Variants in PAK3 observed in about 807,000 individuals in gnomAD.
PAK3 encodes the protein p21 (RAC1) activated kinase 3.
A neutral mutation model predicts 41.0 loss-of-function variants in PAK3; 4 were observed. The ratio of observed to expected loss-of-function variants is 0.10; its 90% CI spans 0.05 to 0.22. PAK3 has a LOEUF of 0.22. PAK3 is among the 10% of genes least tolerant of loss of function. The pLI is 1.00. For missense variants in PAK3, 205 were observed against 409.9 expected (o/e 0.50, Z 4.32); for synonymous variants, 146 against 139.6 (o/e 1.05, Z -0.32).
intron 1 of PAK3, among the ~76,000 whole-genome samples, chrX:110,971,631 C>T (rs1406486001): frequency 9.0e-6 from 1 of 111,502 alleles, no homozygotes; most frequent in Non-Finnish European, 1.9e-5. Flanking sequence ...GTGGGTTGTC[C>T]TTTCATTTTC....
intron 11 of PAK3, among the ~76,000 whole-genome samples, chrX:111,182,876 C>A (rs752470365): frequency 9.0e-6 from 1 of 111,239 alleles, no homozygotes; most frequent in Non-Finnish European, 1.9e-5. Flanking sequence ...GCAAACAGAA[C>A]AACAACTTGT....
At chrX:111,111,325 G>C (rs184528722) in intron 4 of PAK3, among the ~76,000 whole-genome samples, 1 of 111,684 alleles carries the variant, frequency 9.0e-6, no homozygotes, top group African/African-American at 3.3e-5. Context: ...ACTTTTCAAA[G>C]ACAAGATGCT....
intron 1 of PAK3, among the ~76,000 whole-genome samples, chrX:111,023,061 G>A (rs2148729624): frequency 9.1e-6 from 1 of 110,272 alleles, no homozygotes; most frequent in Non-Finnish European, 1.9e-5. Context: ...TCACTGACAG[G>A]CCCCAGTGTG....
chrX:111,053,108 G>A (rs1035125659), intron 1 of PAK3, among the ~76,000 whole-genome samples: 1 of 111,778 alleles, frequency 8.9e-6, no homozygotes, highest in Non-Finnish European at 1.9e-5. Flanking sequence ...TGAGGTAAAG[G>A]GTTTCTGAAG....
At chrX:111,081,434 G>A (rs2092834278) in intron 1 of PAK3, among the ~76,000 whole-genome samples, 1 of 110,826 alleles carries the variant, frequency 9.0e-6, no homozygotes, top group Admixed American at 9.6e-5. Context: ...GAACACAGGA[G>A]GTTGAGATTT....
rs1053978775 is a variant in PAK3, at chrX:111,222,986, G to C, written c.*2539G>C. 1 of 111,522 alleles carries C rather than the reference G, an allele frequency of 9.0e-6. No individual in the cohort carries two copies. Among genetic ancestry groups the C allele is most frequent in the African/African-American group, 3.3e-5 (1 of 30,689 alleles). 9.2% of individuals were successfully genotyped at this position (111,522 alleles called of 1,213,427 possible). Reference sequence around the variant, plus strand: ...TTTTCAAATGAGAACAGCTTCTAAAGCCCCTTCCCTGTATTGGAGAGTTAT... The same window carrying C: ...TTTTCAAATGAGAACAGCTTCTAAACCCCCTTCCCTGTATTGGAGAGTTAT... On this transcript the variant is annotated 3_prime_UTR_variant, in exon 18 of 18. Transcript: ENST00000372007.
chrX:111,225,629 A>C lies in PAK3; in HGVS notation c.*5182A>C, dbSNP rs1280625451. ...CTAGGAAGAAGGAGCCCCGGAGTCT[A>C]ATATGAGCTTTATTACTAAATTGCT... On this transcript the variant is annotated 3_prime_UTR_variant, in exon 18 of 18. Coordinates refer to ENST00000372007, the MANE Select transcript of PAK3 (RefSeq NM_002578.5). The C allele has an allele frequency of 1.8e-5, 2 of 111,724 alleles. No homozygotes were observed. Among genetic ancestry groups the C allele is most frequent in the Non-Finnish European group, 3.8e-5 (2 of 53,293 alleles). 9.2% of individuals were successfully genotyped at this position (111,724 alleles called of 1,213,427 possible).
rs1171673790 is a variant in PAK3 at position 111,224,526 on chromosome X, A to G, written c.*4079A>G. On this transcript the variant is annotated 3_prime_UTR_variant, in exon 18 of 18. Coordinates refer to ENST00000372007, the MANE Select transcript of PAK3 (RefSeq NM_002578.5). ...GGGCAAGTCCCACTAATTTCAATAG[A>G]AGTTATGACTTGCAATTAAAAGCTG... The G allele has an allele frequency of 7.1e-5, 8 of 112,447 alleles. No homozygotes were observed. In the Admixed American group the frequency reaches 7.5e-4, roughly 11 times the overall value. 9.3% of individuals were successfully genotyped at this position (112,447 alleles called of 1,213,427 possible).
At chrX:111,168,076 A>G (rs182461467) in intron 10 of PAK3, among the ~76,000 whole-genome samples, 70 of 111,290 alleles carry the variant, frequency 6.3e-4, no homozygotes, top group Non-Finnish European at 1.1e-3. Context: ...ATCAATTTAG[A>G]GAATCTTTTT....
rs2094926353 is a variant in PAK3, at chrX:111,221,167, A to G, written c.*720A>G. 1 of 112,033 alleles carries G rather than the reference A, an allele frequency of 8.9e-6. No individual in the cohort carries two copies. Among genetic ancestry groups the G allele is most frequent in the Non-Finnish European group, 1.9e-5 (1 of 53,173 alleles). 9.2% of individuals were successfully genotyped at this position (112,033 alleles called of 1,213,427 possible). A position where few individuals can be genotyped will look rare whatever the true frequency, so the allele number is the denominator to read the frequency against. ...ACATTTTCCAAAAGTGGAGAGGAATATGTGTGTTCAGGAAGGGCTTTCAAA... is the reference window on the plus strand; with the variant it reads ...ACATTTTCCAAAAGTGGAGAGGAATGTGTGTGTTCAGGAAGGGCTTTCAAA... On this transcript the variant is annotated 3_prime_UTR_variant, in exon 18 of 18. Transcript: ENST00000372007.
At chrX:111,161,210 T>C (rs1159122696) in intron 8 of PAK3, among the ~76,000 whole-genome samples, 3 of 112,402 alleles carry the variant, frequency 2.7e-5, no homozygotes, top group Non-Finnish European at 5.6e-5. Flanking sequence ...ATTTCTCTGA[T>C]GGCCAGTGAT....
intron 8 of PAK3, among the ~76,000 whole-genome samples, chrX:111,153,597 C>T (rs2094061788): frequency 8.9e-6 from 1 of 111,781 alleles, no homozygotes; most frequent in African/African-American, 3.3e-5. Flanking sequence ...CATGGATGGC[C>T]AACCTGATTC....
intron 5 of PAK3, among the ~76,000 whole-genome samples, chrX:111,126,997 A>C (rs2093657044): frequency 9.0e-6 from 1 of 111,453 alleles, no homozygotes; most frequent in Admixed American, 9.5e-5. Context: ...AAAAAAATAA[A>C]AACCACCCAT....
Position 111,223,853 on chromosome X carries a change from A to G in PAK3, c.*3406A>G, listed in dbSNP as rs1048119706. 4.1e-4 allele frequency: 46 copies of G among 112,319 alleles called. No individual in the cohort carries two copies. Among genetic ancestry groups the G allele is most frequent in the African/African-American group, 1.5e-3 (46 of 30,902 alleles). 9.3% of individuals were successfully genotyped at this position (112,319 alleles called of 1,213,427 possible). A position where few individuals can be genotyped will look rare whatever the true frequency, so the allele number is the denominator to read the frequency against. On this transcript the variant is annotated 3_prime_UTR_variant, in exon 18 of 18. Coordinates refer to ENST00000372007, the MANE Select transcript of PAK3 (RefSeq NM_002578.5). ...AATAACATAAACAGGGATTACAACT[A>G]TGTAAAAAGAAATGCATATGGACAA...
chrX:111,133,971 A>C (rs772856815), intron 5 of PAK3, among the ~76,000 whole-genome samples: 1 of 112,036 alleles, frequency 8.9e-6, no homozygotes, highest in African/African-American at 3.2e-5. Flanking sequence ...AGAAGCTAGA[A>C]AGAGTTCTAA....
intron 1 of PAK3, among the ~76,000 whole-genome samples, chrX:111,084,913 G>C (rs779945302): frequency 9.0e-6 from 1 of 111,633 alleles, no homozygotes; most frequent in African/African-American, 3.3e-5. Flanking sequence ...CTTTTTATAG[G>C]AGCTTTACAA....
rs751517340 is a variant in PAK3 at position 111,163,000 on chromosome X, A to C, written c.554A>C (p.Asn185Thr). 8 of 1,206,059 alleles carry C rather than the reference A, an allele frequency of 6.6e-6. No homozygotes were observed. In the South Asian group the frequency reaches 1.4e-4, roughly 21 times the overall value. The change falls in exon 9 of 18, where the codon AAT (asparagine) becomes ACT (threonine). Residue 185 changes from asparagine (N) to threonine (T), a missense_variant. Around this residue, in one of 5 missense-constraint regions of PAK3, gnomAD observed 75 missense variants for 91.9 expected, o/e 0.82. Transcript: ENST00000372007. ...GAGGAAGAAGAAGAAGAAGATGAAAATGAGCCACCACCAGTTATCGCACCA... is the reference window on the plus strand; with the variant it reads ...GAGGAAGAAGAAGAAGAAGATGAAACTGAGCCACCACCAGTTATCGCACCA... ...DEEEEEEEDE[N>T]EPPPVIAPRP...
intron 1 of PAK3, among the ~76,000 whole-genome samples, chrX:110,999,443 C>A (rs374435893): frequency 6.3e-4 from 70 of 110,996 alleles, no homozygotes; most frequent in African/African-American, 2.3e-3. Flanking sequence ...CCACTCCAGG[C>A]TGGCACATAG....
chrX:111,201,627 T>G (rs1417794402), intron 16 of PAK3, among the ~76,000 whole-genome samples: 1 of 110,818 alleles, frequency 9.0e-6, no homozygotes, highest in Non-Finnish European at 1.9e-5. Context: ...ATTTTGGTCC[T>G]GTAGTCAGGC....
Sources: gnomAD v4.1 joint callset for allele counts (sites outside exome capture counted in the v4.1 genomes callset) on GRCh38, gnomAD v4.1.1 for gene constraint, gnomAD v4.1.1 regional missense constraint, MANE v1.5 for transcripts, NCBI Gene and HGNC (gene_info 2026-07-23, HGNC 2026-07-21) for gene names.